Variants in KIF1B observed in about 807,000 individuals in gnomAD.
The protein encoded by KIF1B is kinesin family member 1B.
KIF1B carries 76 observed loss-of-function variants against 241.9 expected under a neutral mutation model. That is an observed-to-expected ratio of 0.31 (90% CI 0.26 to 0.38). KIF1B has a LOEUF of 0.38. KIF1B is among the 10% of genes least tolerant of loss of function. KIF1B has a pLI of 1.00. For missense variants in KIF1B, 1,622 were observed against 2,271.4 expected, an observed-to-expected ratio of 0.71 and a Z score of 5.81; for synonymous variants, 750 against 796.7, an observed-to-expected ratio of 0.94 and a Z score of 0.99.
intron 1 of KIF1B, among the ~76,000 whole-genome samples, chr1:10,212,130 T>C (rs1646701473): frequency 6.6e-6 from 1 of 152,200 alleles, no homozygotes; most frequent in Non-Finnish European, 1.5e-5. Flanking sequence ...AACATTCCGC[T>C]TTGTGTCATG....
chr1:10,232,471 A>G (rs777514958), intron 2 of KIF1B, 37 bp downstream of exon 2: 1 of 1,425,338 alleles, frequency 7.0e-7, no homozygotes, highest in Admixed American at 1.7e-5. Context: ...TGTGTATCTT[A>G]CTTTCCTTTC....
In KIF1B at chr1:10,232,414, A is replaced by G; in HGVS notation, c.86A>G (p.Gln29Arg). 6.2e-7 allele frequency: 1 copy of G among 1,612,062 alleles called. No individual in the cohort carries two copies. ...ETSKESKCII[Q>R]MQGNSTSIIN... ...AGCAAGGAATCCAAATGCATCATTC[A>G]GATGCAAGGCAACTCGACCAGTGAG... The change falls in exon 2 of 49, where the codon CAG (glutamine) becomes CGG (arginine). Residue 29 changes from glutamine to arginine, a missense_variant. This residue lies in a region of KIF1B where 156 missense variants were observed against 244.8 expected (regional missense o/e 0.64). Coordinates refer to ENST00000676179, the MANE Select transcript of KIF1B (RefSeq NM_001365951.3).
At chr1:10,330,306 C>T (rs1394044699) in intron 27 of KIF1B, among the ~76,000 whole-genome samples, 4 of 152,076 alleles carry the variant, frequency 2.6e-5, no homozygotes, top group East Asian at 3.9e-4. Context: ...AGTCATGGAG[C>T]TGATGTCCCT....
intron 1 of KIF1B, among the ~76,000 whole-genome samples, chr1:10,222,921 T>C (rs1246668310): frequency 6.6e-6 from 1 of 152,212 alleles, no homozygotes; most frequent in Admixed American, 6.6e-5. Flanking sequence ...ATTTTTTTGC[T>C]AATTATTAAG....
rs202243662 is a variant in KIF1B, at chr1:10,365,574, C to T, written c.4678C>T (p.Pro1560Ser). The part of the protein sequence containing the change: ...STTTFESAIT[P>S]SESSGYDSGD... ...CACTACCTTTGAAAGCGCCATCACACCTAGCGAGAGCAGTGGCTATGATTC... is the reference window on the plus strand; with the variant it reads ...CACTACCTTTGAAAGCGCCATCACATCTAGCGAGAGCAGTGGCTATGATTC... The change falls in exon 43 of 49, where the codon CCT (proline) becomes TCT (serine). Residue 1560 changes from proline (P) to serine (S), a missense_variant. Physicochemically the swap from Pro to Ser is moderately conservative, Grantham distance 74. This residue lies in a region of KIF1B where 357 missense variants were observed against 409.0 expected (regional missense o/e 0.87). Transcript: ENST00000676179. This position sits in a 1 kb window ranked among gnomAD's most constrained non-coding sequence, Gnocchi z 4.0. The T allele has an allele frequency of 4.3e-6, 7 of 1,614,184 alleles. No homozygotes were observed. The highest frequency in any genetic ancestry group is 1.7e-5 in the Admixed American group (1 of 60,010).
intron 16 of KIF1B, among the ~76,000 whole-genome samples, chr1:10,291,622 G>A (rs892128221): frequency 7.9e-5 from 12 of 151,678 alleles, no homozygotes; most frequent in Non-Finnish European, 1.6e-4. Context: ...TGAGGCAGGA[G>A]AATGGCGTGA....
At chr1:10,330,332 A>G (rs1350342322) in intron 27 of KIF1B, among the ~76,000 whole-genome samples, 1 of 152,216 alleles carries the variant, frequency 6.6e-6, no homozygotes, top group East Asian at 1.9e-4. Flanking sequence ...AGAATTACAG[A>G]ATTATCTAAA....
chr1:10,364,931 A>G (rs1405286519), intron 41 of KIF1B, among the ~76,000 whole-genome samples, 169 bp from the exon 42 acceptor site: 1 of 150,282 alleles, frequency 6.7e-6, no homozygotes, highest in Non-Finnish European at 1.5e-5. Context: ...GCATGAACCC[A>G]GGAGGCGGAG....
At position 10,282,364 on chromosome 1, in the gene KIF1B, C is replaced by T. The variant is rs1649451461; in HGVS notation, c.1265C>T (p.Ala422Val). 1 of 1,614,150 alleles carries T rather than the reference C, an allele frequency of 6.2e-7. No individual in the cohort carries two copies. Among genetic ancestry groups the T allele is most frequent in the Non-Finnish European group, 8.5e-7 (1 of 1,180,020 alleles). ...FQNNKHRYLL[A>V]SENQRPGHFS... is the part of the protein sequence containing the mutation. ...AACAATAAGCATAGATACTTGCTAG[C>T]CTCTGAGAATCAACGCCCTGGCCAT... is the stretch of plus-strand genomic sequence containing the variant. Residue 422 changes from alanine to valine, a missense_variant, in exon 15 of 49, where the codon GCC becomes GTC. By Grantham distance (64) the Ala-to-Val change is moderately conservative. Around this residue, in one of 7 missense-constraint regions of KIF1B, gnomAD observed 201 missense variants for 301.2 expected, o/e 0.67. Coordinates refer to ENST00000676179, the MANE Select transcript of KIF1B (RefSeq NM_001365951.3).
At chr1:10,266,478 C>T (rs1165640781) in intron 5 of KIF1B, among the ~76,000 whole-genome samples, 1 of 152,130 alleles carries the variant, frequency 6.6e-6, no homozygotes, top group Non-Finnish European at 1.5e-5. Context: ...CTTCTTTCTC[C>T]CTCACAAATC....
At chr1:10,277,889 AAC>A (rs1366643310) in intron 12 of KIF1B, 95 bp from the exon 13 acceptor site, 2 of 1,088,296 alleles carry the variant, frequency 1.8e-6, no homozygotes, top group Non-Finnish European at 2.7e-6. Flanking sequence ...ATAAAATGTA[AAC>A]ACTCAGGATA....
chr1:10,367,277 G>A (rs1163640984), intron 43 of KIF1B, among the ~76,000 whole-genome samples: 73 of 151,370 alleles, frequency 4.8e-4, no homozygotes, highest in Non-Finnish European at 4.4e-5. Context: ...TGTATTTTTA[G>A]TAGAGACAGA....
chr1:10,313,836 C>T (rs990506493), intron 22 of KIF1B, among the ~76,000 whole-genome samples: 1 of 151,368 alleles, frequency 6.6e-6, no homozygotes, highest in African/African-American at 2.5e-5. Flanking sequence ...AGGCGTGAGC[C>T]ACCGTGCTTG....
chr1:10,263,200 C>G (rs1648245702), intron 5 of KIF1B, among the ~76,000 whole-genome samples: 1 of 151,806 alleles, frequency 6.6e-6, no homozygotes, highest in African/African-American at 2.4e-5. Flanking sequence ...ACGAGAATCG[C>G]TTGAACCCAG....
intron 31 of KIF1B, among the ~76,000 whole-genome samples, chr1:10,338,764 G>T (rs894142055): frequency 6.6e-6 from 1 of 152,338 alleles, no homozygotes; most frequent in East Asian, 1.9e-4. Flanking sequence ...CCTGTGCCGG[G>T]AAGGTATGGC....
intron 27 of KIF1B, among the ~76,000 whole-genome samples, chr1:10,329,976 A>G (rs1651862909): frequency 6.6e-6 from 1 of 152,116 alleles, no homozygotes. Flanking sequence ...CTCTCTAAGT[A>G]CCTTAACTGA....
chr1:10,284,548 T>C (rs769565356), intron 15 of KIF1B, among the ~76,000 whole-genome samples: 3 of 152,060 alleles, frequency 2.0e-5, no homozygotes, highest in Non-Finnish European at 4.4e-5. Flanking sequence ...TAGCCAAGCA[T>C]GGTGGCACAC....
rs1650661396 is a variant in KIF1B, at chr1:10,303,673, T to G, written c.2115+6427T>G. On this transcript the variant is annotated intron_variant, in intron 22 of 48. Coordinates refer to ENST00000676179, the MANE Select transcript of KIF1B (RefSeq NM_001365951.3). The surrounding 1 kb of genome is among the most constrained non-coding windows in gnomAD (Gnocchi z 5.2). ...TCATATAGACAAGCTGGAAGATATT[T>G]TGCAAGAAGTCAAAAAGCAAAATAA... 25 of 1,614,032 alleles carry G rather than the reference T, an allele frequency of 1.5e-5. No individual in the cohort carries two copies. Among genetic ancestry groups the G allele is most frequent in the Non-Finnish European group, 1.9e-5 (22 of 1,180,038 alleles).
chr1:10,327,994 G>A (rs1651785198), intron 27 of KIF1B, among the ~76,000 whole-genome samples: 1 of 152,116 alleles, frequency 6.6e-6, no homozygotes, highest in South Asian at 2.1e-4. Flanking sequence ...TGAGACCAGA[G>A]TGGGCAACAT....
Sources: gnomAD v4.1 joint callset for allele counts (sites outside exome capture counted in the v4.1 genomes callset) on GRCh38, gnomAD v4.1.1 for gene constraint, gnomAD v4.1.1 regional missense constraint, Gnocchi (gnomAD v3.1) non-coding constraint, MANE v1.5 for transcripts, NCBI Gene and HGNC (gene_info 2026-07-23, HGNC 2026-07-21) for gene names.